TTC6: variants seen among roughly 807,000 people sequenced by gnomAD.
The protein encoded by TTC6 is tetratricopeptide repeat domain 6.
A neutral mutation model predicts 210.4 loss-of-function variants in TTC6; 172 were observed. That is an observed-to-expected ratio of 0.82 (90% CI 0.72 to 0.93). TTC6 has a LOEUF of 0.93. TTC6 is among the 40% of genes least tolerant of loss of function. The probability of loss-of-function intolerance (pLI) is 0.00; values close to 1 mark genes in which losing one functional copy is unlikely to be tolerated. For synonymous variants in TTC6, 804 were observed against 819.6 expected (o/e 0.98, Z 0.32); for missense variants, 2,414 against 2,318.1 (o/e 1.04, Z -0.85).
intron 8 of TTC6, among the ~76,000 whole-genome samples, chr14:37,736,352 A>AT (rs889402788): frequency 4.7e-5 from 7 of 150,490 alleles, no homozygotes; most frequent in South Asian, 2.1e-4. Flanking sequence ...CTCAAAAAAA[A>AT]TTTTTTTTTT....
At chr14:37,795,592 G>A (rs2096090814) in intron 18 of TTC6, among the ~76,000 whole-genome samples, 1 of 152,032 alleles carries the variant, frequency 6.6e-6, no homozygotes, top group Non-Finnish European at 1.5e-5. Context: ...TAGTGTTTAT[G>A]TTCTTTGAGA....
At chr14:37,823,644 C>A in intron 26 of TTC6, 103 bp from the exon 29 acceptor site, 1 of 1,019,384 alleles carries the variant, frequency 9.8e-7, no homozygotes, top group Non-Finnish European at 1.4e-6. Flanking sequence ...TTTAATGAGT[C>A]AATTCAAATC....
At chr14:37,687,455 G>A (rs908718144) in intron 3 of TTC6, among the ~76,000 whole-genome samples, 3 of 152,082 alleles carry the variant, frequency 2.0e-5, no homozygotes, top group East Asian at 3.9e-4. Flanking sequence ...TGGGCTCAGA[G>A]ATAGTGGACT....
chr14:37,632,717 C>T (rs2095672245), intron 1 of TTC6, among the ~76,000 whole-genome samples: 1 of 152,200 alleles, frequency 6.6e-6, no homozygotes, highest in Non-Finnish European at 1.5e-5. Context: ...GCTGCACCCC[C>T]AGCCGCCCCT....
intron 10 of TTC6, among the ~76,000 whole-genome samples, chr14:37,746,362 T>C (rs1435139379): frequency 6.6e-6 from 1 of 152,158 alleles, no homozygotes; most frequent in Non-Finnish European, 1.5e-5. Context: ...AAATTCCTAT[T>C]TCCTGAACCT....
intron 2 of TTC6, among the ~76,000 whole-genome samples, chr14:37,612,310 C>T (rs1027928856): frequency 1.3e-5 from 2 of 152,200 alleles, no homozygotes; most frequent in Admixed American, 6.5e-5. Flanking sequence ...ATTTTATACA[C>T]AAGAAAGCAT....
At chr14:37,835,276 A>AT (rs1421481070) in intron 29 of TTC6, among the ~76,000 whole-genome samples, 2 of 151,678 alleles carry the variant, frequency 1.3e-5, no homozygotes, top group Non-Finnish European at 2.9e-5. Flanking sequence ...TAGAAATACT[A>AT]TTTTTTCCTG....
chr14:37,780,504 G>A (rs1172899201), intron 14 of TTC6, among the ~76,000 whole-genome samples: 1 of 152,044 alleles, frequency 6.6e-6, no homozygotes, highest in Non-Finnish European at 1.5e-5. Flanking sequence ...TGCAGTGTTC[G>A]GTTTTCTGTT....
chr14:37,606,350 G>A (rs1352926277), intron 1 of TTC6, among the ~76,000 whole-genome samples: 1 of 152,156 alleles, frequency 6.6e-6, no homozygotes, highest in Non-Finnish European at 1.5e-5. Flanking sequence ...ACTTACAAAT[G>A]GGTTTGACCA....
chr14:37,697,027 T>G (rs1039469961), intron 4 of TTC6, among the ~76,000 whole-genome samples, 192 bp downstream of exon 6: 7 of 152,104 alleles, frequency 4.6e-5, no homozygotes, highest in Non-Finnish European at 5.9e-5. Flanking sequence ...GCTTTTTTCT[T>G]TTTCTGTTTT....
At chr14:37,765,427 A>C (rs7157460) in intron 14 of TTC6, among the ~76,000 whole-genome samples, 61,991 of 150,662 alleles carry the variant, frequency 0.41, 13,894 homozygotes, top group Non-Finnish European at 0.5. Context: ...GCAATCCCCC[A>C]ACTTTGTGAT....
intron 3 of TTC6, among the ~76,000 whole-genome samples, chr14:37,685,486 T>C: frequency 6.6e-6 from 1 of 152,154 alleles, no homozygotes. Flanking sequence ...GAAAGATAAC[T>C]CTGTCATATG....
chr14:37,611,829 G>A (rs2095635141), intron 2 of TTC6, among the ~76,000 whole-genome samples: 1 of 152,106 alleles, frequency 6.6e-6, no homozygotes, highest in Non-Finnish European at 1.5e-5. Context: ...GGGTCGATGT[G>A]TGTAGTTTCA....
At chr14:37,777,979 C>A (rs77562934) in intron 14 of TTC6, among the ~76,000 whole-genome samples, 18,965 of 152,040 alleles carry the variant, frequency 0.12, 1,532 homozygotes, top group Non-Finnish European at 0.19. Flanking sequence ...AAGTTGGGAA[C>A]CTGCTGTGCT....
At chr14:37,814,229 C>A (rs539537538) in intron 25 of TTC6, among the ~76,000 whole-genome samples, 58 of 152,124 alleles carry the variant, frequency 3.8e-4, no homozygotes, top group Non-Finnish European at 6.9e-4. Flanking sequence ...ACTAGTCATG[C>A]CACCCTGGCC....
intron 1 of TTC6, among the ~76,000 whole-genome samples, chr14:37,670,474 C>CTTTTT (rs66725764): frequency 4.1e-5 from 5 of 121,326 alleles, no homozygotes; most frequent in Non-Finnish European, 6.7e-5. Flanking sequence ...AACTACCTCA[C>CTTTTT]TTTTTTTTTT....
chr14:37,799,791 A>C (rs1234169681), intron 20 of TTC6, among the ~76,000 whole-genome samples: 1 of 152,014 alleles, frequency 6.6e-6, no homozygotes, highest in Non-Finnish European at 1.5e-5. Context: ...CAACAATCAG[A>C]ATGAGCTTAA....
intron 1 of TTC6, among the ~76,000 whole-genome samples, chr14:37,639,715 C>CAAAAAAAAAA (rs35837305): frequency 1.3e-5 from 1 of 74,188 alleles, no homozygotes; most frequent in African/African-American, 5.1e-5. Context: ...ACAAGAAATA[C>CAAAAAAAAAA]AAAAAAAAAA....
chr14:37,803,091 T>C (rs1213359808), intron 20 of TTC6, among the ~76,000 whole-genome samples: 1 of 152,092 alleles, frequency 6.6e-6, no homozygotes, highest in Non-Finnish European at 1.5e-5. Context: ...TCATGTCTAC[T>C]TTTTTCTTCA....
Sources: allele counts gnomAD v4.1 joint callset (sites outside exome capture counted in the v4.1 genomes callset), GRCh38; gene constraint gnomAD v4.1.1; transcripts MANE v1.5; gene names NCBI Gene and HGNC (gene_info 2026-07-23, HGNC 2026-07-21).